Variants in WSCD1 observed in about 807,000 individuals in gnomAD.
The protein encoded by WSCD1 is WSC domain sialate O sulfotransferase 1.
A neutral mutation model predicts 60.4 loss-of-function variants in WSCD1; 41 were observed. The observed-to-expected ratio is 0.68, with a 90% CI of 0.53 to 0.88. The LOEUF (loss-of-function observed/expected upper bound fraction) is 0.88. Ranked by LOEUF, WSCD1 falls within the 40% of genes least tolerant of loss-of-function variation. WSCD1 has a pLI of 0.00. For synonymous variants in WSCD1, 361 were observed against 332.5 expected (o/e 1.09, Z -0.93); for missense variants, 784 against 796.2 (o/e 0.98, Z 0.18).
At position 6,088,044 on chromosome 17, in the gene WSCD1, C is replaced by T. The variant is rs138757706; in HGVS notation, c.482C>T (p.Ala161Val). The change falls in exon 3 of 9, where the codon GCT becomes GTT. Residue 161 changes from alanine (A) to valine (V), a missense_variant. Transcript: ENST00000317744. ...DDGHERTLKG[A>V]VFYDLRKMTV... ...GGCCACGAGAGGACTCTGAAAGGAGCTGTGTTTTATGACTTGAGAAAGATG... is the reference window on the plus strand; with the variant it reads ...GGCCACGAGAGGACTCTGAAAGGAGTTGTGTTTTATGACTTGAGAAAGATG... The T allele has an allele frequency of 1.0e-3, 1,633 of 1,614,178 alleles. 3 individuals carry two copies. Among genetic ancestry groups the T allele is most frequent in the Non-Finnish European group, 1.3e-3 (1,491 of 1,180,018 alleles).
intron 1 of WSCD1, among the ~76,000 whole-genome samples, chr17:6,072,758 C>T (rs952323514): frequency 4.6e-5 from 7 of 152,240 alleles, no homozygotes; most frequent in African/African-American, 1.7e-4. Flanking sequence ...GTCTGGCCTT[C>T]ACATTCTTCC....
chr17:6,104,640 C>G (rs1402918859), intron 5 of WSCD1, among the ~76,000 whole-genome samples: 1 of 152,238 alleles, frequency 6.6e-6, no homozygotes, highest in Non-Finnish European at 1.5e-5. Context: ...TGGGTGTCTT[C>G]TTTCCTTTTT....
intron 2 of WSCD1, among the ~76,000 whole-genome samples, chr17:6,084,198 C>T (rs1352737982): frequency 6.6e-6 from 1 of 152,202 alleles, no homozygotes; most frequent in Non-Finnish European, 1.5e-5. Context: ...TCAGTGCCCT[C>T]CATAGGTTGT....
At chr17:6,076,383 C>T (rs1006913672) in intron 1 of WSCD1, among the ~76,000 whole-genome samples, 1 of 152,208 alleles carries the variant, frequency 6.6e-6, no homozygotes, top group Non-Finnish European at 1.5e-5. Flanking sequence ...GCATGGGGAT[C>T]AGCTGTGAGC....
At chr17:6,079,478 T>C (rs953384994) in intron 1 of WSCD1, among the ~76,000 whole-genome samples, 8 of 151,900 alleles carry the variant, frequency 5.3e-5, no homozygotes, top group African/African-American at 1.7e-4. Flanking sequence ...TCCTGGGGAG[T>C]GGAGAGACCC....
At chr17:6,069,778 TGTGTGTGTGTGTGTGTGTGTGTGC>T (rs1309637759), upstream of WSCD1, among the ~76,000 whole-genome samples, 1 of 87,344 alleles carries the variant, frequency 1.1e-5, no homozygotes, top group African/African-American at 6.0e-5. Context: ...TGATCCGGTG[TGTGTGTGTGTGTGTGTGTGTGTGC>T]GTGCGTGTGT....
chr17:6,094,985 C>G (rs1037348437), intron 4 of WSCD1, 117 bp from the exon 5 acceptor site: 7 of 1,461,820 alleles, frequency 4.8e-6, no homozygotes, highest in Non-Finnish European at 6.4e-6. Flanking sequence ...CTGATTTGAA[C>G]TCGCCTCGTA....
intron 7 of WSCD1, among the ~76,000 whole-genome samples, chr17:6,114,412 G>A (rs1911584647): frequency 6.6e-6 from 1 of 151,812 alleles, no homozygotes; most frequent in Non-Finnish European, 1.5e-5. Context: ...TAGATATGAG[G>A]AATAAGTCCT....
intron 1 of WSCD1, among the ~76,000 whole-genome samples, chr17:6,078,284 C>T (rs765636614): frequency 1.3e-5 from 2 of 152,242 alleles, no homozygotes; most frequent in Non-Finnish European, 2.9e-5. Flanking sequence ...AAGGAGATTA[C>T]AGACTTTGGA....
chr17:6,117,112 A>T (rs368619322), intron 7 of WSCD1, among the ~76,000 whole-genome samples: 8 of 152,358 alleles, frequency 5.3e-5, no homozygotes, highest in Admixed American at 1.3e-4. Context: ...CATAGTGAGC[A>T]CATAATAACC....
intron 7 of WSCD1, 118 bp from the exon 8 acceptor site, chr17:6,117,870 T>A: frequency 9.8e-7 from 1 of 1,021,594 alleles, no homozygotes; most frequent in Non-Finnish European, 1.5e-6. Context: ...GTCCTCTGTG[T>A]CTTCCATGGG....
intron 7 of WSCD1, among the ~76,000 whole-genome samples, 163 bp downstream of exon 7, chr17:6,111,098 G>A (rs1025816062): frequency 9.9e-5 from 15 of 151,438 alleles, no homozygotes; most frequent in African/African-American, 3.6e-4. Context: ...CACCCTTCAG[G>A]TATTGAAGAC....
intron 1 of WSCD1, chr17:6,078,082 T>C (rs895031270): frequency 4.6e-5 from 7 of 152,258 alleles, no homozygotes; most frequent in African/African-American, 1.7e-4. Context: ...TCTGGGTAAG[T>C]GGAATTTGAG....
chr17:6,080,948 C>A lies in WSCD1; in HGVS notation c.290C>A (p.Pro97His). The A allele has an allele frequency of 6.4e-7, 1 of 1,563,842 alleles. No homozygotes were observed. The highest frequency in any genetic ancestry group is 1.7e-4 in the Middle Eastern group (1 of 5,966). ...MLQSPLTRPR[P>H]GPRWLRSRNS... ...CAGAGCCCCCTGACCCGGCCCCGGC[C>A]CGGCCCCCGCTGGCTCCGGAGCCGC... The change falls in exon 2 of 9, where the codon CCC (proline) becomes CAC (histidine). Residue 97 changes from proline to histidine, a missense_variant. Transcript: ENST00000317744. The surrounding 1 kb of genome is among the most constrained non-coding windows in gnomAD (Gnocchi z 6.6).
intron 1 of WSCD1, among the ~76,000 whole-genome samples, chr17:6,077,686 A>G (rs1240804193): frequency 3.3e-5 from 5 of 152,196 alleles, no homozygotes; most frequent in African/African-American, 1.2e-4. Flanking sequence ...CTTGTATTGT[A>G]TATCCAAATC....
chr17:6,093,099 G>A (rs564682892), intron 4 of WSCD1, among the ~76,000 whole-genome samples: 3 of 152,358 alleles, frequency 2.0e-5, no homozygotes, highest in South Asian at 4.1e-4. Context: ...AGTCATCAAC[G>A]TCTTCGCCTT....
intron 8 of WSCD1, among the ~76,000 whole-genome samples, chr17:6,119,189 G>A (rs1597372548): frequency 1.3e-5 from 2 of 152,298 alleles, no homozygotes; most frequent in East Asian, 3.9e-4. Flanking sequence ...TGTGAATTTG[G>A]GGGGCATACA....
In WSCD1 at chr17:6,080,980, G is replaced by A. The variant is rs753024993; in HGVS notation, c.322G>A (p.Glu108Lys). Residue 108 changes from glutamate to lysine, a missense_variant, in exon 2 of 9, where the codon GAG becomes AAG. Glu to Lys is a moderately conservative substitution (Grantham distance 56). Coordinates refer to ENST00000317744, the MANE Select transcript of WSCD1 (RefSeq NM_015253.2). This position sits in a 1 kb window ranked among gnomAD's most constrained non-coding sequence, Gnocchi z 6.6. ...GPRWLRSRNS[E>K]LRQLRRRWFH... is the part of the protein sequence containing the mutation. ...CCGCTGGCTCCGGAGCCGCAACTCGGAGCTGCGTCAGTTGCGTCGCCGCTG... is the reference window on the plus strand; with the variant it reads ...CCGCTGGCTCCGGAGCCGCAACTCGAAGCTGCGTCAGTTGCGTCGCCGCTG... 1 of 1,550,766 alleles carries A rather than the reference G, an allele frequency of 6.4e-7. No homozygotes were observed. Among genetic ancestry groups the A allele is most frequent in the Non-Finnish European group, 8.7e-7 (1 of 1,150,638 alleles).
intron 5 of WSCD1, among the ~76,000 whole-genome samples, chr17:6,097,985 C>G (rs1375859292): frequency 6.7e-6 from 1 of 149,878 alleles, no homozygotes; most frequent in African/African-American, 2.5e-5. Flanking sequence ...GTGTTCCGCT[C>G]TGATGCCCAG....
Sources: gnomAD v4.1 joint callset for allele counts (sites outside exome capture counted in the v4.1 genomes callset) on GRCh38, gnomAD v4.1.1 for gene constraint, Gnocchi (gnomAD v3.1) non-coding constraint, MANE v1.5 for transcripts, NCBI Gene and HGNC (gene_info 2026-07-23, HGNC 2026-07-21) for gene names.